Variants in MARCHF1 observed in about 807,000 individuals in gnomAD.
MARCHF1 encodes E3 ubiquitin-protein ligase MARCHF1.
MARCHF1 carries 40 observed loss-of-function variants against 54.2 expected under a neutral mutation model. That is an observed-to-expected ratio of 0.74 (90% CI 0.57 to 0.96). MARCHF1 has a LOEUF of 0.96. Among genes scored for constraint, MARCHF1 ranks in the 40% least tolerant of loss-of-function variants. MARCHF1 has a pLI of 0.00. For synonymous variants in MARCHF1, 236 were observed against 236.3 expected (o/e 1.00, Z 0.01); for missense variants, 586 against 656.5 (o/e 0.89, Z 1.17).
chr4:164,198,271 T>G (rs1425875331), intron 1 of MARCHF1, among the ~76,000 whole-genome samples: 2 of 152,234 alleles, frequency 1.3e-5, no homozygotes, highest in Non-Finnish European at 2.9e-5. Context: ...TTTCCACTTC[T>G]GACTCACAAT....
At chr4:163,935,318 A>G (rs1751769731) in intron 3 of MARCHF1, among the ~76,000 whole-genome samples, 1 of 152,180 alleles carries the variant, frequency 6.6e-6, no homozygotes, top group African/African-American at 2.4e-5. Flanking sequence ...CTAGCTATGA[A>G]AGACCTAGGT....
At chr4:163,765,867 C>CAT (rs1746960913) in intron 4 of MARCHF1, among the ~76,000 whole-genome samples, 2 of 146,616 alleles carry the variant, frequency 1.4e-5, no homozygotes, top group East Asian at 2.0e-4. Flanking sequence ...TATATACACA[C>CAT]ATATATATAA....
intron 2 of MARCHF1, among the ~76,000 whole-genome samples, chr4:164,099,910 A>G (rs953930780): frequency 1.3e-5 from 2 of 152,186 alleles, no homozygotes; most frequent in Admixed American, 6.5e-5. Flanking sequence ...AACAAGGAAG[A>G]AGAAATAAGT....
chr4:163,790,778 G>C (rs1303328897), intron 4 of MARCHF1, among the ~76,000 whole-genome samples: 3 of 152,016 alleles, frequency 2.0e-5, no homozygotes, highest in African/African-American at 7.2e-5. Flanking sequence ...AGAAGTACGG[G>C]AACAAAAACA....
At chr4:164,030,348 A>C (rs1304279174) in intron 2 of MARCHF1, among the ~76,000 whole-genome samples, 1 of 152,208 alleles carries the variant, frequency 6.6e-6, no homozygotes, top group Non-Finnish European at 1.5e-5. Flanking sequence ...TCAAAAATGA[A>C]GAAGCATTTT....
intron 1 of MARCHF1, among the ~76,000 whole-genome samples, chr4:164,215,313 C>T (rs537678327): frequency 2.0e-5 from 3 of 152,284 alleles, no homozygotes; most frequent in East Asian, 1.9e-4. Context: ...GCGTCTGTCA[C>T]GTGCTCTTCT....
intron 4 of MARCHF1, among the ~76,000 whole-genome samples, chr4:163,822,803 T>C (rs1198078052): frequency 2.0e-5 from 3 of 151,838 alleles, no homozygotes; most frequent in East Asian, 1.9e-4. Context: ...TACTGATCTA[T>C]TGGAAAACCA....
intron 1 of MARCHF1, among the ~76,000 whole-genome samples, chr4:164,137,339 G>C (rs1165137665): frequency 6.6e-6 from 1 of 152,118 alleles, no homozygotes; most frequent in Non-Finnish European, 1.5e-5. Context: ...GTCAAAAGGA[G>C]AACTAATCTT....
chr4:164,013,741 A>G (rs74390531), intron 2 of MARCHF1, among the ~76,000 whole-genome samples: 2 of 37,402 alleles, frequency 5.3e-5, no homozygotes, highest in Admixed American at 2.5e-4. Flanking sequence ...GTGCTGATGG[A>G]AAAAAAAATC....
chr4:164,113,680 A>C (rs1294306081), intron 1 of MARCHF1, among the ~76,000 whole-genome samples: 1 of 151,972 alleles, frequency 6.6e-6, no homozygotes, highest in Non-Finnish European at 1.5e-5. Flanking sequence ...CTGATAAATA[A>C]ATTATTCAGG....
intron 2 of MARCHF1, among the ~76,000 whole-genome samples, chr4:163,990,533 C>G (rs1304346447): frequency 1.3e-5 from 2 of 152,162 alleles, no homozygotes; most frequent in African/African-American, 2.4e-5. Flanking sequence ...CATCATCATA[C>G]TTAAGCTTAC....
intron 2 of MARCHF1, among the ~76,000 whole-genome samples, chr4:164,065,586 T>C (rs765850093): frequency 2.0e-5 from 3 of 152,126 alleles, no homozygotes; most frequent in African/African-American, 4.8e-5. Flanking sequence ...GATATATATA[T>C]ACATGAAAAG....
chr4:164,232,306 A>G lies in MARCHF1; in HGVS notation c.-322-120644T>C, dbSNP rs151094407. 4.4e-4 allele frequency among the ~76,000 whole-genome samples: 67 copies of G among 152,264 alleles called. 1 individual carries two copies. Among genetic ancestry groups the G allele is most frequent in the South Asian group, 3.1e-3 (15 of 4,828 alleles). Reference sequence around the variant, plus strand: ...TAGAAAACACTGCAAATCCCTCACAATGAATAAATATTATTCCTGCGACTG... The same window carrying G: ...TAGAAAACACTGCAAATCCCTCACAGTGAATAAATATTATTCCTGCGACTG... On this transcript the variant is annotated intron_variant, in intron 1 of 9. Coordinates refer to ENST00000514618, the MANE Select transcript of MARCHF1 (RefSeq NM_001394959.1).
At chr4:164,179,702 T>C (rs888981424) in intron 1 of MARCHF1, among the ~76,000 whole-genome samples, 41 of 152,138 alleles carry the variant, frequency 2.7e-4, no homozygotes, top group Non-Finnish European at 3.4e-4. Context: ...AATATCCTTT[T>C]TATAAGATAC....
At chr4:163,984,473 A>G (rs1420430232) in intron 3 of MARCHF1, among the ~76,000 whole-genome samples, 1 of 152,184 alleles carries the variant, frequency 6.6e-6, no homozygotes, top group Non-Finnish European at 1.5e-5. Flanking sequence ...TGTGTTGTGA[A>G]AGAATATAGC....
chr4:164,331,387 TAAGAC>T lies in MARCHF1; in HGVS notation c.-323+52478_-323+52482del, dbSNP rs374005566. Among the ~76,000 whole-genome samples the T allele has an allele frequency of 3.6e-3, 555 of 152,304 alleles. 5 individuals carry two copies. The highest frequency in any genetic ancestry group is 0.013 in the African/African-American group (533 of 41,586). ...TCAAATGCTTTACAAAGCAAGCTGT[TAAGAC>T]AGAATATTTTGAAGAGAAATAATGT... On this transcript the variant is annotated intron_variant, in intron 1 of 9. Coordinates refer to ENST00000514618, the MANE Select transcript of MARCHF1 (RefSeq NM_001394959.1).
chr4:163,797,552 TAA>T (rs1747952962), intron 4 of MARCHF1, among the ~76,000 whole-genome samples: 1 of 152,154 alleles, frequency 6.6e-6, no homozygotes, highest in Non-Finnish European at 1.5e-5. Flanking sequence ...TTCTTAGTTT[TAA>T]TTAACATCTC....
At chr4:164,167,607 G>C (rs113366882) in intron 1 of MARCHF1, among the ~76,000 whole-genome samples, 1,843 of 151,680 alleles carry the variant, frequency 0.012, 37 homozygotes, top group East Asian at 0.088. Context: ...AGAATAAAAA[G>C]TCTAGAAATA....
At chr4:164,295,821 A>C (rs1734396132) in intron 1 of MARCHF1, among the ~76,000 whole-genome samples, 1 of 152,212 alleles carries the variant, frequency 6.6e-6, no homozygotes, top group Non-Finnish European at 1.5e-5. Flanking sequence ...AAATGGAAGA[A>C]GATAACCTAA....
Sources: gnomAD v4.1 joint callset for allele counts (sites outside exome capture counted in the v4.1 genomes callset) on GRCh38, gnomAD v4.1.1 for gene constraint, MANE v1.5 for transcripts, NCBI Gene and HGNC (gene_info 2026-07-23, HGNC 2026-07-21) for gene names.